Variants in ANK3 observed in about 807,000 individuals in gnomAD.
The protein encoded by ANK3 is ankyrin 3.
In ANK3, 57 loss-of-function variants were observed where a neutral mutation model predicts 370.9. That is an observed-to-expected ratio of 0.15 (90% confidence interval 0.12 to 0.19). The LOEUF is 0.19. ANK3 is among the 10% of genes least tolerant of loss of function. The pLI, the probability that ANK3 is intolerant of heterozygous loss-of-function variation, is 1.00. For synonymous variants in ANK3, 1,929 were observed against 1,946.3 expected (o/e 0.99, Z 0.23); for missense variants, 4,439 against 5,302.1 (o/e 0.84, Z 5.06).
intron 2 of ANK3, among the ~76,000 whole-genome samples, chr10:60,604,664 CAAAAAGTA>C (rs2078106399): frequency 1.3e-5 from 2 of 151,960 alleles, no homozygotes; most frequent in African/African-American, 2.4e-5. Flanking sequence ...CCTAAATTTG[CAAAAAGTA>C]AAAAAGGAAA....
chr10:60,285,107 C>A (rs1018801380), intron 1 of ANK3, among the ~76,000 whole-genome samples: 4 of 152,022 alleles, frequency 2.6e-5, no homozygotes, highest in African/African-American at 9.7e-5. Context: ...TCACACAGCC[C>A]GAATCTGCAT....
chr10:60,605,721 T>C (rs991830249), intron 2 of ANK3, among the ~76,000 whole-genome samples: 52 of 152,304 alleles, frequency 3.4e-4, no homozygotes, highest in African/African-American at 1.2e-3. Context: ...CTGTGCTGTA[T>C]TCATAGGCAG....
intron 2 of ANK3, among the ~76,000 whole-genome samples, chr10:60,507,003 T>G (rs2075957821): frequency 1.3e-5 from 2 of 152,250 alleles, no homozygotes; most frequent in Admixed American, 6.6e-5. Flanking sequence ...AAAATGGCAT[T>G]TATTCACACA....
At chr10:60,527,109 G>T (rs2076492085) in intron 2 of ANK3, among the ~76,000 whole-genome samples, 4 of 152,038 alleles carry the variant, frequency 2.6e-5, no homozygotes, top group Admixed American at 2.0e-4. Flanking sequence ...AATTAAAAAA[G>T]AAATTGTAGA....
At chr10:60,340,665 G>A (rs2054072498) in intron 1 of ANK3, among the ~76,000 whole-genome samples, 1 of 152,074 alleles carries the variant, frequency 6.6e-6, no homozygotes, top group African/African-American at 2.4e-5. Context: ...TCCCTCCTCA[G>A]CCTCCCAAAA....
chr10:60,196,062 C>T, intron 16 of ANK3, 83 bp downstream of exon 16: 3 of 1,236,528 alleles, frequency 2.4e-6, no homozygotes, highest in South Asian at 1.3e-5. Flanking sequence ...GGAGGGTGCT[C>T]CTGCTGAAGC....
In ANK3 at chr10:60,279,628, A is replaced by G. The variant is rs1361766200; in HGVS notation, c.126T>C (p.Asn42=). 1.4e-5 allele frequency: 23 copies of G among 1,610,506 alleles called. No homozygotes were observed. The highest frequency in any genetic ancestry group is 1.8e-5 in the Non-Finnish European group (21 of 1,179,036). The change falls in exon 2 of 44, where the codon AAT becomes AAC. Residue 42 remains asparagine, a synonymous_variant. Coordinates refer to ENST00000280772, the MANE Select transcript of ANK3 (RefSeq NM_020987.5). ...CTCGAGCTGCTCTTAAGTAACTTGC[A>G]TTGGCATCAGACTAAAATAAAAAAG... ...SRDRKKKSDA[N]ASYLRAARAG...
intron 2 of ANK3, among the ~76,000 whole-genome samples, chr10:60,426,530 A>C (rs2063891768): frequency 6.6e-6 from 1 of 152,096 alleles, no homozygotes; most frequent in South Asian, 2.1e-4. Context: ...AGACGCAATG[A>C]GTCATTTGGC....
At chr10:60,653,489 T>C (rs1043794449) in intron 1 of ANK3, among the ~76,000 whole-genome samples, 1 of 152,316 alleles carries the variant, frequency 6.6e-6, no homozygotes, top group South Asian at 2.1e-4. Flanking sequence ...GGACTTTCTA[T>C]GTTGTTCCAC....
intron 7 of ANK3, among the ~76,000 whole-genome samples, chr10:60,247,609 A>G (rs558183738): frequency 1.3e-5 from 2 of 152,282 alleles, no homozygotes; most frequent in Non-Finnish European, 2.9e-5. Context: ...TGTTAAGTGC[A>G]ATCATAGTAT....
chr10:60,073,593 T>C lies in ANK3; in HGVS notation c.7288A>G (p.Ile2430Val), dbSNP rs535775688. Residue 2430 changes from isoleucine to valine, a missense_variant, in exon 37 of 44, where the codon ATA becomes GTA. By Grantham distance (29) the Ile-to-Val change is conservative. Transcript: ENST00000280772. The part of the protein sequence containing the change: ...EDSRPSSAQL[I>V]SDDSYKTLKL... ...AATGTTTTATAAGAGTCATCAGATA[T>C]GAGTTGAGCAGAACTAGGGCGGCTA... 1.9e-6 allele frequency: 3 copies of C among 1,614,044 alleles called. No individual in the cohort carries two copies. Among genetic ancestry groups the C allele is most frequent in the Non-Finnish European group, 2.5e-6 (3 of 1,179,996 alleles).
At chr10:60,601,305 T>C (rs1234855775) in intron 2 of ANK3, among the ~76,000 whole-genome samples, 4 of 149,482 alleles carry the variant, frequency 2.7e-5, no homozygotes, top group Non-Finnish European at 4.4e-5. Context: ...AAGTAGAGTA[T>C]GGAAAGAGAG....
intron 1 of ANK3, among the ~76,000 whole-genome samples, chr10:60,658,522 A>C (rs2078895924): frequency 1.3e-5 from 2 of 152,074 alleles, no homozygotes; most frequent in Admixed American, 1.3e-4. Flanking sequence ...TGTTATATTT[A>C]TATATATTAT....
rs187319841 is a variant in ANK3, at chr10:60,689,552, G to C, written c.57+43711C>G. On this transcript the variant is annotated intron_variant, in intron 1 of 43. Transcript: ENST00000373827. The stretch of plus-strand genomic sequence containing the variant: ...GGATCACTTGAGCTCAGGAGTTCGA[G>C]ACCAGCCTGGCTAACATGGCAAAAC... 2.1e-3 allele frequency among the ~76,000 whole-genome samples: 315 copies of C among 152,208 alleles called. 1 individual carries two copies. Among genetic ancestry groups the C allele is most frequent in the African/African-American group, 7.2e-3 (298 of 41,542 alleles).
chr10:60,630,691 G>C (rs2078469878), intron 1 of ANK3, among the ~76,000 whole-genome samples: 1 of 152,150 alleles, frequency 6.6e-6, no homozygotes, highest in Admixed American at 6.5e-5. Context: ...CAGGACAGCT[G>C]TTATAAGACA....
upstream of ANK3, chr10:60,389,938 AC>A (rs2062954546): frequency 1.2e-6 from 1 of 828,742 alleles, no homozygotes; most frequent in Non-Finnish European, 1.5e-6. Context: ...ATCAAGAGTC[AC>A]CACACATGCA....
intron 2 of ANK3, among the ~76,000 whole-genome samples, chr10:60,470,053 T>C (rs2065178468): frequency 6.6e-6 from 1 of 152,088 alleles, no homozygotes; most frequent in South Asian, 2.1e-4. Flanking sequence ...TTGAATAGTT[T>C]TCCTCTTATA....
At chr10:60,594,716 A>G (rs2077963379) in intron 2 of ANK3, among the ~76,000 whole-genome samples, 1 of 152,168 alleles carries the variant, frequency 6.6e-6, no homozygotes, top group Non-Finnish European at 1.5e-5. Context: ...ATTTATCTGC[A>G]GAAAATTTAC....
intron 17 of ANK3, among the ~76,000 whole-genome samples, chr10:60,185,095 T>C (rs980863666): frequency 2.0e-5 from 3 of 152,094 alleles, no homozygotes; most frequent in African/African-American, 7.3e-5. Context: ...TGCTTTTTGA[T>C]TCCCATTAAT....
Sources: allele counts gnomAD v4.1 joint callset (sites outside exome capture counted in the v4.1 genomes callset), GRCh38; gene constraint gnomAD v4.1.1; transcripts MANE v1.5; gene names NCBI Gene and HGNC (gene_info 2026-07-23, HGNC 2026-07-21).